The following FRMD8 variants were observed in gnomAD, a reference collection of about 807,000 sequenced individuals.
The protein encoded by FRMD8 is FERM domain-containing protein 8.
A neutral mutation model predicts 54.2 loss-of-function variants in FRMD8; 37 were observed. The ratio of observed to expected loss-of-function variants is 0.68; its 90% CI spans 0.53 to 0.90. The LOEUF is 0.90. Ranked by LOEUF, FRMD8 falls within the 40% of genes least tolerant of loss-of-function variation. The probability of loss-of-function intolerance (pLI) is 0.00; values close to 1 mark genes in which losing one functional copy is unlikely to be tolerated. For synonymous variants in FRMD8, 246 were observed against 286.9 expected (o/e 0.86, Z 1.44); for missense variants, 585 against 653.7 (o/e 0.89, Z 1.15).
At chr11:65,372,962 A>G in the FRMD8 span, among the ~76,000 whole-genome samples, 123 of 152,318 alleles carry the variant, frequency 8.1e-4, no homozygotes, top group African/African-American at 2.8e-3. Flanking sequence ...AAGGGATCAC[A>G]GAGGAAAGCT....
At chr11:65,401,745 C>A (rs80328419) in intron 9 of FRMD8, among the ~76,000 whole-genome samples, 2 of 150,960 alleles carry the variant, frequency 1.3e-5, no homozygotes, top group East Asian at 2.0e-4. Context: ...CCTGGCCCCC[C>A]TCGAGGGCAC....
At chr11:65,390,898 C>T (rs1003346386) in intron 3 of FRMD8, among the ~76,000 whole-genome samples, 2 of 152,282 alleles carry the variant, frequency 1.3e-5, no homozygotes, top group African/African-American at 4.8e-5. Context: ...TGTTGCCCGG[C>T]CCACACAGGA....
rs200002362 is a variant in FRMD8, at chr11:65,406,010, TA to T, written c.1276+943del. 2.4e-3 allele frequency among the ~76,000 whole-genome samples: 361 copies of T among 151,234 alleles called. 2 individuals are homozygous for T. The highest frequency in any genetic ancestry group is 7.7e-3 in the African/African-American group (318 of 41,114). On this transcript the variant is annotated intron_variant, in intron 10 of 10. Transcript: ENST00000317568. ...ACAACGATGAGACCCTATATATATA[TA>T]TTTTTTTTAATTAATTAATTAGTTA...
chr11:65,394,428 G>A lies in FRMD8; in HGVS notation c.581+3G>A, dbSNP rs1346962271. On this transcript the variant is annotated splice_donor_region_variant and intron_variant, in intron 6 of 10. Coordinates refer to ENST00000317568, the MANE Select transcript of FRMD8 (RefSeq NM_031904.5). ...CGGCCGGCAGCCTGCGACCTGAGGT[G>A]AGGGCCTGTGTGACTTGAGGCGGGG... 1.3e-6 allele frequency: 2 copies of A among 1,564,320 alleles called. No homozygotes were observed. Among genetic ancestry groups the A allele is most frequent in the Admixed American group, 3.8e-5 (2 of 52,944 alleles).
At chr11:65,397,154 C>A (rs1448621566) in intron 7 of FRMD8, 134 bp downstream of exon 7, 11 of 501,138 alleles carry the variant, frequency 2.2e-5, no homozygotes, top group Non-Finnish European at 3.4e-5. Flanking sequence ...GTCACGAGCA[C>A]CTCAGGCCCC....
At chr11:65,391,772 A>C (rs559747665) in intron 3 of FRMD8, among the ~76,000 whole-genome samples, 1 of 152,240 alleles carries the variant, frequency 6.6e-6, no homozygotes, top group Non-Finnish European at 1.5e-5. Flanking sequence ...CAGCCTCCCA[A>C]AGTGCTGGGA....
chr11:65,381,579 TTTTTTTG>T, the FRMD8 span: 1 of 164,462 alleles, frequency 6.1e-6, no homozygotes. Flanking sequence ...TTTTTTTTTT[TTTTTTTG>T]TGGCAGGGTC....
In FRMD8 at chr11:65,411,235, C is replaced by G. The variant is rs756827077; in HGVS notation, c.1277-7C>G. On this transcript the variant is annotated splice_polypyrimidine_tract_variant and splice_region_variant and intron_variant, in intron 10 of 10. Coordinates refer to ENST00000317568, the MANE Select transcript of FRMD8 (RefSeq NM_031904.5). ...TCTGCTCAGTGTGCCCTCCCATTCCCTCGCAGGCAAGGGGATCAGGCGAGT... is the reference window on the plus strand; with the variant it reads ...TCTGCTCAGTGTGCCCTCCCATTCCGTCGCAGGCAAGGGGATCAGGCGAGT... 10 of 1,603,448 alleles carry G rather than the reference C, an allele frequency of 6.2e-6. No homozygotes were observed. The Admixed American group carries it at 6.7e-5, about 11-fold the overall frequency.
the FRMD8 span, chr11:65,375,815 C>T: frequency 6.5e-6 from 1 of 153,686 alleles, no homozygotes; most frequent in African/African-American, 2.4e-5. Context: ...GTAATCCCAG[C>T]ACTTTGAGAG....
At chr11:65,375,934 C>T in the FRMD8 span, 5 of 160,024 alleles carry the variant, frequency 3.1e-5, no homozygotes, top group East Asian at 1.8e-4. Context: ...TGGTGGCGGG[C>T]GCCTATAGTC....
chr11:65,373,241 G>A, the FRMD8 span, among the ~76,000 whole-genome samples: 99 of 150,330 alleles, frequency 6.6e-4, 1 homozygote, highest in Non-Finnish European at 1.1e-3. Flanking sequence ...CATCTCAAAA[G>A]AAAAAAAAAG....
the FRMD8 span, chr11:65,376,467 G>C: frequency 4.3e-6 from 7 of 1,614,214 alleles, no homozygotes; most frequent in South Asian, 5.5e-5. Context: ...TGACGGGAAA[G>C]GCGCGGGCAC....
intron 6 of FRMD8, among the ~76,000 whole-genome samples, chr11:65,395,108 G>A (rs1171374093): frequency 6.6e-6 from 1 of 152,152 alleles, no homozygotes; most frequent in East Asian, 1.9e-4. Flanking sequence ...GTAGCCAGGT[G>A]TGGTGGCACA....
chr11:65,391,452 C>T (rs1421251757), intron 3 of FRMD8, among the ~76,000 whole-genome samples: 3 of 152,126 alleles, frequency 2.0e-5, no homozygotes, highest in Non-Finnish European at 4.4e-5. Context: ...ACGTGGTATT[C>T]TAGATGCTGG....
chr11:65,409,765 CAAAA>C (rs751034633), intron 10 of FRMD8, among the ~76,000 whole-genome samples: 1 of 117,962 alleles, frequency 8.5e-6, no homozygotes, highest in Non-Finnish European at 1.8e-5. Context: ...GACCCTGTCG[CAAAA>C]AAAAAAAAAG....
In FRMD8 at chr11:65,390,713, T is replaced by G. The variant is rs1855827794; in HGVS notation, c.253+1185T>G. On this transcript the variant is annotated intron_variant, in intron 3 of 10. Coordinates refer to ENST00000317568, the MANE Select transcript of FRMD8 (RefSeq NM_031904.5). ...CCTCGAGTCAGGACTGTGGGCCCCT[T>G]GGTTTGTGTCTGAAAGCTGGGGGTA... Among the ~76,000 whole-genome samples the G allele has an allele frequency of 2.6e-5, 4 of 152,134 alleles. No homozygotes were observed. In the South Asian group the frequency reaches 8.3e-4, roughly 32 times the overall value.
chr11:65,408,606 G>A (rs1856260867), intron 10 of FRMD8, among the ~76,000 whole-genome samples: 1 of 151,744 alleles, frequency 6.6e-6, no homozygotes, highest in Non-Finnish European at 1.5e-5. Context: ...CCTTGCTAAT[G>A]TAAAAGTGTG....
rs1055904565 is a variant in FRMD8 at position 65,404,459 on chromosome 11, C to T, written c.1072-405C>T. 6.6e-6 allele frequency among the ~76,000 whole-genome samples: 1 copy of T among 151,924 alleles called. No homozygotes were observed. The highest frequency in any genetic ancestry group is 6.6e-5 in the Admixed American group (1 of 15,240). ...CCGCCCGCCCCTGCCCTGGTGACAT[C>T]GCGCCCCTTCCTCCTGGCTGCAGGT... On this transcript the variant is annotated intron_variant, in intron 9 of 10. Transcript: ENST00000317568. The surrounding 1 kb of genome is among the most constrained non-coding windows in gnomAD (Gnocchi z 4.7).
chr11:65,369,501 G>A, the FRMD8 span, among the ~76,000 whole-genome samples: 4 of 152,046 alleles, frequency 2.6e-5, no homozygotes, highest in African/African-American at 4.8e-5. Context: ...GGCCGAGGCA[G>A]GTGGATCACC....
Sources: allele counts gnomAD v4.1 joint callset (sites outside exome capture counted in the v4.1 genomes callset), GRCh38; gene constraint gnomAD v4.1.1; non-coding constraint Gnocchi (gnomAD v3.1); transcripts MANE v1.5; gene names NCBI Gene and HGNC (gene_info 2026-07-23, HGNC 2026-07-21).